Variants in ADGRV1 observed in about 807,000 individuals in gnomAD.
ADGRV1 encodes the protein G-protein coupled receptor 98.
In ADGRV1, 359 loss-of-function variants were observed where a neutral mutation model predicts 596.2. That is an observed-to-expected ratio of 0.60 (90% CI 0.55 to 0.66). The LOEUF is 0.66. Among genes scored for constraint, ADGRV1 ranks in the 30% least tolerant of loss-of-function variants. The pLI, the probability that ADGRV1 is intolerant of heterozygous loss-of-function variation, is 0.00. For missense variants in ADGRV1, 7,274 were observed against 7,575.6 expected (o/e 0.96, Z 1.48); for synonymous variants, 2,681 against 2,679.2 (o/e 1.00, Z -0.02).
intron 89 of ADGRV1, among the ~76,000 whole-genome samples, chr5:91,157,639 G>A (rs1796582144): frequency 6.6e-6 from 1 of 152,028 alleles, no homozygotes; most frequent in African/African-American, 2.4e-5. Context: ...GTGGCCATAA[G>A]ACTCTAAGGT....
intron 70 of ADGRV1, chr5:90,792,108 C>G (rs569956677): frequency 8.5e-5 from 13 of 152,162 alleles, no homozygotes; most frequent in Non-Finnish European, 1.8e-4. Context: ...AAGAAGTAGA[C>G]AGATTGGTGT....
intron 1 of ADGRV1, among the ~76,000 whole-genome samples, chr5:90,566,705 CTT>C (rs944140414): frequency 2.0e-5 from 3 of 151,914 alleles, no homozygotes; most frequent in Non-Finnish European, 4.4e-5. Context: ...TTGCTGAACT[CTT>C]TTATTTTTTT....
chr5:90,823,495 G>A lies in ADGRV1; in HGVS notation c.16267G>A (p.Gly5423Arg), dbSNP rs1390062577. 3 of 1,613,782 alleles carry A rather than the reference G, an allele frequency of 1.9e-6. No individual in the cohort carries two copies. Among genetic ancestry groups the A allele is most frequent in the Admixed American group, 1.7e-5 (1 of 60,016 alleles). The change falls in exon 76 of 90, where the codon GGG becomes AGG. Residue 5423 changes from glycine (G) to arginine (R), a missense_variant. Gly to Arg is a moderately radical substitution (Grantham distance 125). Coordinates refer to ENST00000405460, the MANE Select transcript of ADGRV1 (RefSeq NM_032119.4). ...AACAGTCGTCGTGCTCCAGAAGGAT[G>A]GGGTAAACCTGGTGGAGGAACTTCA... ...NKTVVVLQKDGVNLVEELQSV... is the reference protein window; with the variant it reads ...NKTVVVLQKDRVNLVEELQSV...
intron 2 of ADGRV1, 76 bp from the exon 3 acceptor site, chr5:90,617,728 T>C: frequency 8.4e-7 from 1 of 1,196,212 alleles, no homozygotes; most frequent in East Asian, 2.6e-5. Context: ...TTTCTCTTGA[T>C]TGCTGTAATT....
intron 83 of ADGRV1, among the ~76,000 whole-genome samples, chr5:90,941,294 A>G (rs940714452): frequency 6.6e-6 from 1 of 152,230 alleles, no homozygotes; most frequent in Non-Finnish European, 1.5e-5. Flanking sequence ...GGTGAAAATT[A>G]AAGTTACAAA....
intron 1 of ADGRV1, among the ~76,000 whole-genome samples, chr5:90,564,749 C>A (rs1176538703): frequency 1.1e-5 from 1 of 88,472 alleles, no homozygotes; most frequent in Non-Finnish European, 2.2e-5. Flanking sequence ...GCCTCAGCCT[C>A]CCGAGTAGCT....
chr5:90,924,658 T>C (rs1774238499), intron 83 of ADGRV1, among the ~76,000 whole-genome samples: 2 of 152,076 alleles, frequency 1.3e-5, no homozygotes, highest in South Asian at 2.1e-4. Flanking sequence ...TTGTCAATTT[T>C]GTCTTTTGTT....
chr5:90,627,796 T>C lies in ADGRV1; in HGVS notation c.1238+20T>C, dbSNP rs1294809597. 4.5e-6 allele frequency: 6 copies of C among 1,332,430 alleles called. No homozygotes were observed. The highest frequency in any genetic ancestry group is 6.1e-6 in the Non-Finnish European group (6 of 987,544). The allele number at this position is 1,332,430 out of a possible 1,614,324, so 82.5% of individuals were successfully genotyped here. On this transcript the variant is annotated intron_variant, in intron 7 of 89. Coordinates refer to ENST00000405460, the MANE Select transcript of ADGRV1 (RefSeq NM_032119.4). ...ATCAAGGTATGATTTATTTTAAATA[T>C]ATTGCTACCATTATTTTATTATATT...
chr5:91,034,776 A>G (rs1784731778), intron 85 of ADGRV1, among the ~76,000 whole-genome samples: 1 of 152,304 alleles, frequency 6.6e-6, no homozygotes, highest in Middle Eastern at 3.4e-3. Context: ...CAGACAAAAC[A>G]GCATAATGGG....
chr5:90,789,193 C>T (rs1350236531), intron 68 of ADGRV1, among the ~76,000 whole-genome samples: 3 of 152,092 alleles, frequency 2.0e-5, no homozygotes, highest in African/African-American at 7.2e-5. Flanking sequence ...ATCTCCTTTA[C>T]GTACAGTCAG....
chr5:91,116,972 C>T (rs1274126506), intron 87 of ADGRV1, among the ~76,000 whole-genome samples: 3 of 152,044 alleles, frequency 2.0e-5, no homozygotes, highest in East Asian at 1.9e-4. Context: ...ATAGGGAGTA[C>T]GCAGAGGAGT....
intron 1 of ADGRV1, among the ~76,000 whole-genome samples, chr5:90,569,782 A>C (rs1756283570): frequency 2.0e-5 from 3 of 151,978 alleles, no homozygotes; most frequent in Admixed American, 2.0e-4. Flanking sequence ...ACCTATAATA[A>C]TCTAGCTCAG....
rs1767178632 is a variant in ADGRV1, at chr5:90,642,929, T to G, written c.2441T>G (p.Val814Gly). The G allele has an allele frequency of 6.2e-7, 1 of 1,613,254 alleles. No homozygotes were observed. The highest frequency in any genetic ancestry group is 8.5e-7 in the Non-Finnish European group (1 of 1,179,564). The change falls in exon 13 of 90, where the codon GTA (valine) becomes GGA (glycine). Residue 814 changes from valine (V) to glycine (G), a missense_variant. Around this residue, in one of 5 missense-constraint regions of ADGRV1, gnomAD observed 1,715 missense variants for 1,708.8 expected, o/e 1.00. Coordinates refer to ENST00000405460, the MANE Select transcript of ADGRV1 (RefSeq NM_032119.4). Reference sequence around the variant, plus strand: ...GTTAAGCAGTTTCTACACTACCGAGTAGAGCCAAGAGATAGCAATGAATTC... The same window carrying G: ...GTTAAGCAGTTTCTACACTACCGAGGAGAGCCAAGAGATAGCAATGAATTC... ...SLVKQFLHYR[V>G]EPRDSNEFYG...
At chr5:90,923,058 C>A (rs1774037813) in intron 83 of ADGRV1, among the ~76,000 whole-genome samples, 1 of 152,102 alleles carries the variant, frequency 6.6e-6, no homozygotes, top group South Asian at 2.1e-4. Context: ...GTGTTTTCAG[C>A]ACTAAACCCA....
At chr5:90,849,878 A>G (rs1329334059) in intron 79 of ADGRV1, among the ~76,000 whole-genome samples, 2 of 152,268 alleles carry the variant, frequency 1.3e-5, no homozygotes, top group Non-Finnish European at 2.9e-5. Context: ...TAAAAACAGT[A>G]TAATGAAATT....
At chr5:91,090,596 G>A (rs1434296471) in intron 86 of ADGRV1, among the ~76,000 whole-genome samples, 1 of 150,846 alleles carries the variant, frequency 6.6e-6, no homozygotes, top group East Asian at 1.9e-4. Flanking sequence ...ATATACTCTA[G>A]GCCAATACTG....
In ADGRV1 at chr5:90,783,972, G is replaced by A. The variant is rs376673439; in HGVS notation, c.13568G>A (p.Ser4523Asn). ...PFGVIRFLNQSKISIANPNST... is the reference protein window; with the variant it reads ...PFGVIRFLNQNKISIANPNST... ...GGAGTTATAAGGTTTCTCAATCAAA[G>A]CAAAATTTCTATTGCTAATCCCAAT... Residue 4523 changes from serine to asparagine, a missense_variant, in exon 67 of 90, where the codon AGC becomes AAC. This residue lies in a region of ADGRV1 where 3,643 missense variants were observed against 3,809.2 expected (regional missense o/e 0.96). Transcript: ENST00000405460. 3 of 1,612,354 alleles carry A rather than the reference G, an allele frequency of 1.9e-6. No individual in the cohort carries two copies. The Admixed American group carries it at 5.0e-5, about 27-fold the overall frequency.
chr5:90,952,994 A>G (rs1423945195), intron 83 of ADGRV1, among the ~76,000 whole-genome samples: 1 of 152,166 alleles, frequency 6.6e-6, no homozygotes, highest in African/African-American at 2.4e-5. Flanking sequence ...CATTGAAAAG[A>G]CCACAATTTT....
intron 34 of ADGRV1, among the ~76,000 whole-genome samples, chr5:90,702,693 CA>C (rs1399312979): frequency 6.6e-6 from 1 of 151,838 alleles, no homozygotes; most frequent in East Asian, 1.9e-4. Flanking sequence ...CTTATATACA[CA>C]AAAGTTACTT....
Sources: allele counts gnomAD v4.1 joint callset (sites outside exome capture counted in the v4.1 genomes callset), GRCh38; gene constraint gnomAD v4.1.1; regional missense constraint gnomAD v4.1.1; transcripts MANE v1.5; gene names NCBI Gene and HGNC (gene_info 2026-07-23, HGNC 2026-07-21).